The following GRIN3A variants were observed in gnomAD, a reference collection of about 807,000 sequenced individuals.
GRIN3A encodes glutamate ionotropic receptor NMDA type subunit 3A.
Under a neutral mutation model 92.4 loss-of-function variants are expected in GRIN3A, and 47 were observed. That is an observed-to-expected ratio of 0.51 (90% CI 0.40 to 0.65). GRIN3A has a LOEUF of 0.65. Among genes scored for constraint, GRIN3A ranks in the 30% least tolerant of loss-of-function variants. The pLI is 0.00. For missense variants in GRIN3A, 1,324 were observed against 1,393.1 expected, an observed-to-expected ratio of 0.95 and a Z score of 0.79; for synonymous variants, 527 against 540.6, an observed-to-expected ratio of 0.97 and a Z score of 0.35.
At chr9:101,723,362 C>T (rs1436361008) in intron 1 of GRIN3A, among the ~76,000 whole-genome samples, 1 of 151,588 alleles carries the variant, frequency 6.6e-6, no homozygotes, top group Non-Finnish European at 1.5e-5. Flanking sequence ...TGGAGTTGTT[C>T]GTTCCTCCCG....
intron 4 of GRIN3A, among the ~76,000 whole-genome samples, chr9:101,626,059 G>T (rs1828630481): frequency 1.3e-5 from 2 of 152,148 alleles, no homozygotes; most frequent in South Asian, 2.1e-4. Context: ...ACTCCATTGG[G>T]ACCCTGAGTC....
At chr9:101,610,034 T>C (rs1038971007) in intron 6 of GRIN3A, among the ~76,000 whole-genome samples, 1 of 152,214 alleles carries the variant, frequency 6.6e-6, no homozygotes, top group African/African-American at 2.4e-5. Flanking sequence ...CTTGAAGATG[T>C]TGACTTGAGT....
At chr9:101,662,821 T>A (rs1829187928) in intron 3 of GRIN3A, among the ~76,000 whole-genome samples, 1 of 151,862 alleles carries the variant, frequency 6.6e-6, no homozygotes, top group African/African-American at 2.4e-5. Context: ...TTAACCCAAT[T>A]TTTATAGAGG....
intron 6 of GRIN3A, among the ~76,000 whole-genome samples, chr9:101,609,384 C>A (rs150337390): frequency 6.6e-6 from 1 of 152,270 alleles, no homozygotes; most frequent in Non-Finnish European, 1.5e-5. Flanking sequence ...CCATAAATGA[C>A]CTCTTATTCT....
At chr9:101,628,778 CA>C (rs1828672976) in intron 3 of GRIN3A, among the ~76,000 whole-genome samples, 1 of 152,176 alleles carries the variant, frequency 6.6e-6, no homozygotes, top group Non-Finnish European at 1.5e-5. Context: ...GTTAGAATAA[CA>C]TAAAGGCCAA....
chr9:101,711,958 C>T (rs1462930160), intron 1 of GRIN3A, among the ~76,000 whole-genome samples: 1 of 152,136 alleles, frequency 6.6e-6, no homozygotes, highest in East Asian at 1.9e-4. Flanking sequence ...TCTTTAGGGT[C>T]CCTCCTTGGA....
intron 6 of GRIN3A, 45 bp from the exon 7 acceptor site, chr9:101,579,405 C>T (rs1326052743): frequency 1.3e-6 from 2 of 1,596,834 alleles, no homozygotes; most frequent in Admixed American, 3.3e-5. Context: ...CAATGATATA[C>T]CTGGCCCAAT....
chr9:101,718,083 G>C (rs1343532935), intron 1 of GRIN3A, among the ~76,000 whole-genome samples: 2 of 152,134 alleles, frequency 1.3e-5, no homozygotes, highest in African/African-American at 2.4e-5. Flanking sequence ...GTTTTCCACA[G>C]GTGTGATTTA....
chr9:101,584,083 C>T (rs114071496), intron 6 of GRIN3A, among the ~76,000 whole-genome samples: 144 of 152,202 alleles, frequency 9.5e-4, no homozygotes, highest in African/African-American at 3.4e-3. Flanking sequence ...AACTCTCCAC[C>T]TTAGGTAATC....
At chr9:101,719,216 A>T (rs1424794387) in intron 1 of GRIN3A, among the ~76,000 whole-genome samples, 1 of 152,142 alleles carries the variant, frequency 6.6e-6, no homozygotes, top group Non-Finnish European at 1.5e-5. Context: ...CAGGAGTTTG[A>T]GACCAGCCTG....
chr9:101,591,826 T>G (rs1828030551), intron 6 of GRIN3A: 1 of 152,232 alleles, frequency 6.6e-6, no homozygotes, highest in African/African-American at 2.4e-5. Flanking sequence ...CTTAGGTAAC[T>G]ATCTTGAGTA....
intron 6 of GRIN3A, among the ~76,000 whole-genome samples, chr9:101,590,288 A>G (rs1828004807): frequency 6.6e-6 from 1 of 152,304 alleles, no homozygotes; most frequent in Middle Eastern, 3.4e-3. Context: ...ACACGGCAGC[A>G]GAGAAGTCCG....
intron 1 of GRIN3A, among the ~76,000 whole-genome samples, chr9:101,695,714 C>A (rs1829676664): frequency 6.6e-6 from 1 of 152,068 alleles, no homozygotes; most frequent in African/African-American, 2.4e-5. Flanking sequence ...CATTAGCAAA[C>A]TTCTTTGTGC....
chr9:101,700,537 T>C (rs1829739515), intron 1 of GRIN3A, among the ~76,000 whole-genome samples: 1 of 152,198 alleles, frequency 6.6e-6, no homozygotes, highest in Non-Finnish European at 1.5e-5. Context: ...GCAAACTCAA[T>C]GTGTGTCCTT....
chr9:101,627,163 G>A (rs147659758), intron 4 of GRIN3A, among the ~76,000 whole-genome samples: 2 of 152,306 alleles, frequency 1.3e-5, no homozygotes, highest in Non-Finnish European at 2.9e-5. Flanking sequence ...AGATCTGGGA[G>A]GTAAAGGGAC....
chr9:101,606,906 AT>A (rs536780165), intron 6 of GRIN3A, among the ~76,000 whole-genome samples: 1,996 of 86,182 alleles, frequency 0.023, 23 homozygotes, highest in Admixed American at 0.058. Context: ...AAAAAATTAC[AT>A]TTTTTTTTTT....
intron 1 of GRIN3A, among the ~76,000 whole-genome samples, chr9:101,705,341 C>T (rs767836353): frequency 6.6e-6 from 1 of 152,140 alleles, no homozygotes; most frequent in Non-Finnish European, 1.5e-5. Context: ...GGTGTCTGAA[C>T]CAAGCCGACC....
At position 101,638,668 on chromosome 9, in the gene GRIN3A, T is replaced by C. The variant is rs1469841772; in HGVS notation, c.2353-10267A>G. On this transcript the variant is annotated intron_variant, in intron 3 of 8. Coordinates refer to ENST00000361820, the MANE Select transcript of GRIN3A (RefSeq NM_133445.3). ...GTGCCAGGCACTGTTGAATGGTTTATATGTATGAACTTTTAAAATCCTTAG... is the reference window on the plus strand; with the variant it reads ...GTGCCAGGCACTGTTGAATGGTTTACATGTATGAACTTTTAAAATCCTTAG... 2.0e-5 allele frequency among the ~76,000 whole-genome samples: 3 copies of C among 152,254 alleles called. No individual in the cohort carries two copies. In the East Asian group the frequency reaches 5.8e-4, roughly 29 times the overall value.
At chr9:101,678,050 A>G (rs1829421720) in intron 2 of GRIN3A, among the ~76,000 whole-genome samples, 1 of 152,128 alleles carries the variant, frequency 6.6e-6, no homozygotes, top group African/African-American at 2.4e-5. Flanking sequence ...GCAGGCTGTC[A>G]AGCTGAAAGA....
Sources: allele counts gnomAD v4.1 joint callset (sites outside exome capture counted in the v4.1 genomes callset), GRCh38; gene constraint gnomAD v4.1.1; transcripts MANE v1.5; gene names NCBI Gene and HGNC (gene_info 2026-07-23, HGNC 2026-07-21).